Variants in PABPC4L observed in about 807,000 individuals in gnomAD.
PABPC4L encodes the protein poly(A) binding protein cytoplasmic 4 like, also known as polyadenylate-binding protein 4-like.
For missense variants in PABPC4L, 452 were observed against 451.4 expected (o/e 1.00, Z -0.01); for synonymous variants, 169 against 164.1 (o/e 1.03, Z -0.23).
the PABPC4L span, among the ~76,000 whole-genome samples, chr4:133,959,320 C>T: frequency 6.6e-6 from 1 of 152,106 alleles, no homozygotes; most frequent in African/African-American, 2.4e-5. Context: ...TCAAAGGCCT[C>T]AATGACAGAA....
chr4:134,000,617 G>T, the PABPC4L span, among the ~76,000 whole-genome samples: 1 of 152,124 alleles, frequency 6.6e-6, no homozygotes, highest in Non-Finnish European at 1.5e-5. Context: ...TGGTATGTCT[G>T]TAAGGGTATT....
chr4:134,165,456 C>T, the PABPC4L span, among the ~76,000 whole-genome samples: 14 of 152,140 alleles, frequency 9.2e-5, no homozygotes, highest in Admixed American at 6.5e-5. Flanking sequence ...AAATAATAAA[C>T]CCCTCAAAAG....
chr4:134,118,961 A>AT, the PABPC4L span, among the ~76,000 whole-genome samples: 1 of 151,362 alleles, frequency 6.6e-6, no homozygotes, highest in East Asian at 1.9e-4. Context: ...TTATAGCATG[A>AT]TTTTTTTTCT....
the PABPC4L span, among the ~76,000 whole-genome samples, chr4:134,096,860 T>C: frequency 1.3e-5 from 2 of 152,006 alleles, no homozygotes; most frequent in African/African-American, 4.8e-5. Flanking sequence ...TGAAGCTCTA[T>C]ATTCTTATGC....
At chr4:134,051,140 T>C in the PABPC4L span, among the ~76,000 whole-genome samples, 1 of 152,144 alleles carries the variant, frequency 6.6e-6, no homozygotes, top group Non-Finnish European at 1.5e-5. Context: ...TCTGAAAATG[T>C]TCTGTTCAAT....
At chr4:134,001,851 A>C in the PABPC4L span, among the ~76,000 whole-genome samples, 5 of 152,118 alleles carry the variant, frequency 3.3e-5, no homozygotes, top group African/African-American at 1.2e-4. Flanking sequence ...TATGCTTAAC[A>C]GATTTTTATA....
the PABPC4L span, among the ~76,000 whole-genome samples, chr4:134,009,006 TA>T: frequency 3.3e-5 from 5 of 151,964 alleles, no homozygotes; most frequent in East Asian, 9.7e-4. Flanking sequence ...ACCAACTTTT[TA>T]AAAATGTTAT....
At chr4:134,174,299 A>G in the PABPC4L span, among the ~76,000 whole-genome samples, 2 of 152,268 alleles carry the variant, frequency 1.3e-5, no homozygotes, top group South Asian at 4.1e-4. Context: ...TTTAAAAAAA[A>G]ATAGTAAGTA....
At chr4:134,091,867 A>G in the PABPC4L span, among the ~76,000 whole-genome samples, 1 of 152,098 alleles carries the variant, frequency 6.6e-6, no homozygotes, top group Admixed American at 6.6e-5. Flanking sequence ...GTTGGTTTTC[A>G]TATATTACTT....
At chr4:134,060,378 C>T in the PABPC4L span, among the ~76,000 whole-genome samples, 1 of 151,744 alleles carries the variant, frequency 6.6e-6, no homozygotes, top group African/African-American at 2.4e-5. Context: ...TAAGGGAGCA[C>T]TTGTGCCAAC....
the PABPC4L span, among the ~76,000 whole-genome samples, chr4:133,949,509 GT>G: frequency 1.9e-3 from 285 of 152,208 alleles, 1 homozygote; most frequent in African/African-American, 6.6e-3. Context: ...TCCCTTCTAG[GT>G]TTTTCTCAGA....
At chr4:134,131,952 A>G in the PABPC4L span, among the ~76,000 whole-genome samples, 3 of 152,070 alleles carry the variant, frequency 2.0e-5, no homozygotes, top group Admixed American at 6.6e-5. Flanking sequence ...GCAAACAAAA[A>G]CAAATTGGGG....
At chr4:134,051,213 T>A in the PABPC4L span, among the ~76,000 whole-genome samples, 2 of 152,174 alleles carry the variant, frequency 1.3e-5, no homozygotes, top group South Asian at 4.1e-4. Flanking sequence ...AGGTGAAAAG[T>A]AGGTCAAAAA....
At chr4:134,036,649 T>A in the PABPC4L span, among the ~76,000 whole-genome samples, 1 of 152,246 alleles carries the variant, frequency 6.6e-6, no homozygotes, top group African/African-American at 2.4e-5. Context: ...TTTCTTAAAC[T>A]TTTTGCTGAA....
At chr4:134,085,433 C>T in the PABPC4L span, among the ~76,000 whole-genome samples, 1 of 152,020 alleles carries the variant, frequency 6.6e-6, no homozygotes, top group Non-Finnish European at 1.5e-5. Flanking sequence ...AATATACACA[C>T]ATAATACACA....
the PABPC4L span, among the ~76,000 whole-genome samples, chr4:134,113,755 G>A: frequency 2.0e-5 from 3 of 151,816 alleles, no homozygotes; most frequent in Non-Finnish European, 2.9e-5. Flanking sequence ...GTGGTTGAAC[G>A]TAAGTAGCAT....
At chr4:134,019,255 A>T in the PABPC4L span, among the ~76,000 whole-genome samples, 1 of 152,174 alleles carries the variant, frequency 6.6e-6, no homozygotes, top group Non-Finnish European at 1.5e-5. Context: ...ATGACAAGGG[A>T]TGAATTGAAA....
the PABPC4L span, among the ~76,000 whole-genome samples, chr4:134,020,636 T>G: frequency 6.6e-6 from 1 of 152,022 alleles, no homozygotes; most frequent in African/African-American, 2.4e-5. Context: ...ATTCCTTGAA[T>G]AAGTACTAGC....
chr4:134,156,104 A>G, the PABPC4L span, among the ~76,000 whole-genome samples: 6 of 151,972 alleles, frequency 3.9e-5, no homozygotes, highest in Non-Finnish European at 7.4e-5. Context: ...AAGAGAATGT[A>G]TGTCATTATG....
Sources: gnomAD v4.1 joint callset for allele counts (sites outside exome capture counted in the v4.1 genomes callset) on GRCh38, gnomAD v4.1.1 for gene constraint, MANE v1.5 for transcripts, NCBI Gene and HGNC (gene_info 2026-07-23, HGNC 2026-07-21) for gene names.